KCNN2: variants seen among roughly 807,000 people sequenced by gnomAD.
KCNN2 encodes small conductance calcium-activated potassium channel protein 2.
Under a neutral mutation model 55.5 loss-of-function variants are expected in KCNN2, and 24 were observed. That is an observed-to-expected ratio of 0.43 (90% CI 0.31 to 0.61). The LOEUF is 0.61. KCNN2 is among the 20% of genes least tolerant of loss of function. The pLI is 0.08. For missense variants in KCNN2, 754 were observed against 853.6 expected, an observed-to-expected ratio of 0.88 and a Z score of 1.45; for synonymous variants, 431 against 336.1, an observed-to-expected ratio of 1.28 and a Z score of -3.09.
intron 1 of KCNN2, among the ~76,000 whole-genome samples, chr5:114,140,858 G>A (rs1343388611): frequency 1.3e-5 from 2 of 150,692 alleles, no homozygotes; most frequent in Non-Finnish European, 2.9e-5. Context: ...GCATGATCTT[G>A]GCTCACTGCA....
chr5:114,184,738 A>G (rs1390817892), intron 1 of KCNN2, among the ~76,000 whole-genome samples: 2 of 152,212 alleles, frequency 1.3e-5, no homozygotes, highest in Non-Finnish European at 2.9e-5. Flanking sequence ...CTCTCCTGCC[A>G]CAATGTAGGC....
rs1758877248 is a variant in KCNN2 at position 114,404,540 on chromosome 5, A to G, written c.1321A>G (p.Ile441Val). 1 of 1,613,718 alleles carries G rather than the reference A, an allele frequency of 6.2e-7. No individual in the cohort carries two copies. The highest frequency in any genetic ancestry group is 8.5e-7 in the Non-Finnish European group (1 of 1,179,934). ...AATACTGGTGTGTGCTATTCATCCC[A>G]TACCTGGGAATTATACATTCACATG... ...LEILVCAIHP[I>V]PGNYTFTWTA... The change falls in exon 3 of 8, where the codon ATA (isoleucine) becomes GTA (valine). Residue 441 changes from isoleucine (I) to valine (V), a missense_variant. Ile to Val is a conservative substitution (Grantham distance 29). This residue lies in a region of KCNN2 where 123 missense variants were observed against 204.9 expected (regional missense o/e 0.60). Coordinates refer to ENST00000673685, the MANE Select transcript of KCNN2 (RefSeq NM_021614.4).
At chr5:114,098,575 T>C (rs1408223327) in intron 1 of KCNN2, among the ~76,000 whole-genome samples, 3 of 151,960 alleles carry the variant, frequency 2.0e-5, no homozygotes, top group Admixed American at 1.3e-4. Flanking sequence ...AACAGATTCA[T>C]CCTGAAACCA....
intron 2 of KCNN2, among the ~76,000 whole-genome samples, chr5:114,353,024 T>G (rs1163066318): frequency 6.6e-6 from 1 of 151,970 alleles, no homozygotes; most frequent in African/African-American, 2.4e-5. Flanking sequence ...CTAATTGTAC[T>G]TTCAATTCTG....
chr5:114,262,944 C>A (rs1465162651), intron 2 of KCNN2, among the ~76,000 whole-genome samples: 1 of 151,840 alleles, frequency 6.6e-6, no homozygotes, highest in Non-Finnish European at 1.5e-5. Flanking sequence ...TATCATTCGC[C>A]AATTGTGAGT....
intron 2 of KCNN2, among the ~76,000 whole-genome samples, chr5:114,238,378 C>T (rs1205528288): frequency 6.6e-6 from 1 of 152,056 alleles, no homozygotes; most frequent in Non-Finnish European, 1.5e-5. Context: ...GTAATCCTAG[C>T]ACTTTGGGAG....
chr5:114,056,314 C>CAGAT, exon 1 of KCNN2: 1 of 398,604 alleles, frequency 2.5e-6, no homozygotes, highest in Non-Finnish European at 4.4e-6. Flanking sequence ...GCCCGAGAGG[C>CAGAT]AGATGGTCCT....
At chr5:114,311,349 C>G (rs1252945709) in intron 2 of KCNN2, among the ~76,000 whole-genome samples, 2 of 152,098 alleles carry the variant, frequency 1.3e-5, no homozygotes, top group Admixed American at 6.6e-5. Context: ...AGTGATTCTA[C>G]TAGCAATGAC....
intron 1 of KCNN2, among the ~76,000 whole-genome samples, chr5:114,155,238 A>G (rs774630625): frequency 3.9e-5 from 6 of 152,148 alleles, no homozygotes; most frequent in Non-Finnish European, 7.4e-5. Context: ...TTATGGTTGC[A>G]TAGTATTCTA....
chr5:114,171,467 G>T (rs369228528), intron 1 of KCNN2, among the ~76,000 whole-genome samples: 1 of 151,758 alleles, frequency 6.6e-6, no homozygotes, highest in East Asian at 1.9e-4. Context: ...CTAATTATTC[G>T]ATTAATATTT....
rs553131577 is a variant in KCNN2 at position 114,367,940 on chromosome 5, A to G, written c.1218+3939A>G. ...TCTGGTTCTCATGGGTCCTGGAAGA[A>G]TGGCAGATGATATACTTTGAATTGG... On this transcript the variant is annotated intron_variant, in intron 2 of 7. Coordinates refer to ENST00000673685, the MANE Select transcript of KCNN2 (RefSeq NM_021614.4). Among the ~76,000 whole-genome samples, 37 of 152,324 alleles carry G rather than the reference A, an allele frequency of 2.4e-4. 1 individual carries two copies. The highest frequency in any genetic ancestry group is 3.2e-4 in the Non-Finnish European group (22 of 68,020).
chr5:114,144,413 A>G (rs1264269781), intron 1 of KCNN2, among the ~76,000 whole-genome samples: 1 of 152,086 alleles, frequency 6.6e-6, no homozygotes, highest in East Asian at 1.9e-4. Flanking sequence ...ATGTAATGGA[A>G]CTCCAGCAGT....
intron 2 of KCNN2, among the ~76,000 whole-genome samples, chr5:114,246,063 C>G (rs1463590941): frequency 6.6e-6 from 1 of 152,132 alleles, no homozygotes; most frequent in Non-Finnish European, 1.5e-5. Context: ...CAGTACAGTA[C>G]CATGACTTTG....
intron 2 of KCNN2, among the ~76,000 whole-genome samples, chr5:114,237,200 C>T (rs1165790338): frequency 1.3e-5 from 2 of 151,738 alleles, no homozygotes; most frequent in Non-Finnish European, 2.9e-5. Flanking sequence ...TTGCAACACT[C>T]TCTCTCAAAA....
At chr5:114,133,920 T>C (rs1752118432) in intron 1 of KCNN2, among the ~76,000 whole-genome samples, 2 of 152,228 alleles carry the variant, frequency 1.3e-5, no homozygotes, top group Non-Finnish European at 2.9e-5. Flanking sequence ...TTTGTTATTA[T>C]ACAGAGGCAG....
intron 1 of KCNN2, among the ~76,000 whole-genome samples, chr5:114,172,152 A>G (rs1485869660): frequency 6.6e-6 from 1 of 151,794 alleles, no homozygotes; most frequent in African/African-American, 2.4e-5. Flanking sequence ...ATTTCGTACA[A>G]CCCTCACTTT....
At chr5:114,387,581 G>C (rs539745257) in intron 2 of KCNN2, among the ~76,000 whole-genome samples, 1 of 152,268 alleles carries the variant, frequency 6.6e-6, no homozygotes, top group Admixed American at 6.5e-5. Context: ...TTGGGCTCAT[G>C]TATCACATGC....
chr5:114,269,689 G>C (rs1165434571), intron 2 of KCNN2, among the ~76,000 whole-genome samples: 2 of 152,152 alleles, frequency 1.3e-5, no homozygotes. Context: ...GGATCCGGTT[G>C]ACTGTAAGAA....
chr5:114,428,975 G>A (rs1204853914), intron 3 of KCNN2, among the ~76,000 whole-genome samples: 1 of 151,970 alleles, frequency 6.6e-6, no homozygotes, highest in African/African-American at 2.4e-5. Flanking sequence ...TCATTAGAGG[G>A]CATCTTGGTG....
Sources: gnomAD v4.1 joint callset for allele counts (sites outside exome capture counted in the v4.1 genomes callset) on GRCh38, gnomAD v4.1.1 for gene constraint, gnomAD v4.1.1 regional missense constraint, MANE v1.5 for transcripts, NCBI Gene and HGNC (gene_info 2026-07-23, HGNC 2026-07-21) for gene names.